The following PTPRM variants were observed in gnomAD, a reference collection of about 807,000 sequenced individuals.
The protein encoded by PTPRM is protein tyrosine phosphatase receptor type M.
In PTPRM, 47 loss-of-function variants were observed where a neutral mutation model predicts 186.7. The observed-to-expected ratio is 0.25, with a 90% CI of 0.20 to 0.32. The LOEUF (loss-of-function observed/expected upper bound fraction) is 0.32, where lower values mean the gene tolerates loss of function less well. PTPRM is among the 10% of genes least tolerant of loss of function. The pLI, the probability that PTPRM is intolerant of heterozygous loss-of-function variation, is 1.00. For synonymous variants in PTPRM, 668 were observed against 674.9 expected (o/e 0.99, Z 0.16); for missense variants, 1,494 against 1,865.0 (o/e 0.80, Z 3.66).
At chr18:8,269,557 C>T (rs2094744790) in intron 19 of PTPRM, among the ~76,000 whole-genome samples, 1 of 151,720 alleles carries the variant, frequency 6.6e-6, no homozygotes, top group Non-Finnish European at 1.5e-5. Flanking sequence ...TTGTATGGAA[C>T]TACAAAGGAC....
At chr18:7,816,389 CAT>C (rs905280399) in intron 2 of PTPRM, among the ~76,000 whole-genome samples, 3 of 152,182 alleles carry the variant, frequency 2.0e-5, no homozygotes, top group African/African-American at 7.2e-5. Context: ...ATACTTCCCT[CAT>C]ATACTTGTAA....
At chr18:8,260,408 C>T (rs973972185) in intron 19 of PTPRM, among the ~76,000 whole-genome samples, 1 of 152,112 alleles carries the variant, frequency 6.6e-6, no homozygotes, top group Non-Finnish European at 1.5e-5. Flanking sequence ...AAGTGATCCT[C>T]CCACCTCAGC....
chr18:7,771,391 C>G (rs1368817379), intron 1 of PTPRM, among the ~76,000 whole-genome samples: 1 of 152,180 alleles, frequency 6.6e-6, no homozygotes, highest in African/African-American at 2.4e-5. Flanking sequence ...AGAGACAATA[C>G]TTCTCGTAAA....
intron 3 of PTPRM, among the ~76,000 whole-genome samples, chr18:7,906,066 G>A (rs913984828): frequency 2.6e-5 from 4 of 152,002 alleles, no homozygotes; most frequent in African/African-American, 9.7e-5. Flanking sequence ...CTTTGGGTGG[G>A]GAATCCTTTC....
intron 1 of PTPRM, among the ~76,000 whole-genome samples, chr18:7,730,519 G>A (rs1158247794): frequency 6.6e-6 from 1 of 152,116 alleles, no homozygotes; most frequent in Non-Finnish European, 1.5e-5. Flanking sequence ...CACCTGTATT[G>A]TTACCTAAAG....
At chr18:8,291,948 C>T (rs1483902071) in intron 19 of PTPRM, among the ~76,000 whole-genome samples, 3 of 152,054 alleles carry the variant, frequency 2.0e-5, no homozygotes, top group Non-Finnish European at 4.4e-5. Context: ...AGTGTATCTG[C>T]CACCTCTGCA....
intron 14 of PTPRM, among the ~76,000 whole-genome samples, chr18:8,210,845 C>G (rs531534353): frequency 2.6e-5 from 4 of 152,136 alleles, no homozygotes; most frequent in Non-Finnish European, 5.9e-5. Context: ...AAGGCATTGC[C>G]AGTGGTGTAG....
rs146558447 is a variant in PTPRM, at chr18:8,319,187, C to A, written c.2929C>A (p.Arg977=). 2.4e-5 allele frequency: 38 copies of A among 1,554,614 alleles called. No homozygotes were observed. Among genetic ancestry groups the A allele is most frequent in the Non-Finnish European group, 3.0e-5 (34 of 1,131,168 alleles). Residue 977 remains arginine, a synonymous_variant, in exon 22 of 33, where the codon CGA becomes AGA. Transcript: ENST00000580170. ...TTTTATTTATTTTTAGGGTTATCAT[C>A]GACCCAATCATTACATTGCTACCCA... The part of the protein sequence containing the change: ...INGNYIDGYH[R]PNHYIATQGP...
intron 7 of PTPRM, among the ~76,000 whole-genome samples, chr18:8,037,271 A>G (rs1323636464): frequency 6.6e-6 from 1 of 152,166 alleles, no homozygotes; most frequent in African/African-American, 2.4e-5. Context: ...TCTTTTTCTC[A>G]TCCACTTTAC....
At chr18:7,865,316 G>A (rs2047625031) in intron 2 of PTPRM, among the ~76,000 whole-genome samples, 1 of 148,204 alleles carries the variant, frequency 6.7e-6, no homozygotes, top group Non-Finnish European at 1.5e-5. Flanking sequence ...GATATTGGCT[G>A]TGGGTTTGTC....
rs142218245 is a variant in PTPRM at position 7,789,867 on chromosome 18, G to C, written c.196+15596G>C. Among the ~76,000 whole-genome samples the C allele has an allele frequency of 5.4e-3, 825 of 152,274 alleles. 4 individuals carry two copies. The highest frequency in any genetic ancestry group is 0.023 in the South Asian group (109 of 4,826). ...TGTGTTGTTTCATTGCAACCTTTAA[G>C]TAATAAAAGTCTGTAGTTGTGATTA... On this transcript the variant is annotated intron_variant, in intron 2 of 32. Transcript: ENST00000580170.
intron 1 of PTPRM, among the ~76,000 whole-genome samples, chr18:7,618,725 G>A (rs1321153398): frequency 6.6e-6 from 1 of 152,092 alleles, no homozygotes; most frequent in African/African-American, 2.4e-5. Flanking sequence ...CATTTAAGAT[G>A]CGTGCTATAC....
intron 14 of PTPRM, among the ~76,000 whole-genome samples, chr18:8,243,696 T>C (rs1482893284): frequency 6.6e-6 from 1 of 152,250 alleles, no homozygotes; most frequent in East Asian, 1.9e-4. Flanking sequence ...AATAATTTCG[T>C]AAAAACTTAG....
intron 14 of PTPRM, among the ~76,000 whole-genome samples, chr18:8,237,431 A>ATTTTTTTT (rs59073560): frequency 9.8e-5 from 7 of 71,670 alleles, no homozygotes; most frequent in East Asian, 3.6e-4. Flanking sequence ...GATTCCCTCA[A>ATTTTTTTT]TTTTTTTTTT....
chr18:8,228,952 A>G (rs58705137), intron 14 of PTPRM, among the ~76,000 whole-genome samples: 2,384 of 152,164 alleles, frequency 0.016, 64 homozygotes, highest in African/African-American at 0.054. Flanking sequence ...TCTTTCAACA[A>G]CTTGAAAAGT....
chr18:7,738,522 G>A (rs1387336895), intron 1 of PTPRM, among the ~76,000 whole-genome samples: 2 of 151,704 alleles, frequency 1.3e-5, no homozygotes, highest in African/African-American at 2.4e-5. Flanking sequence ...TGCAAGCTCC[G>A]CCTCCCGGGT....
intron 3 of PTPRM, among the ~76,000 whole-genome samples, chr18:7,896,246 C>T (rs1372329731): frequency 6.6e-6 from 1 of 152,078 alleles, no homozygotes; most frequent in Non-Finnish European, 1.5e-5. Flanking sequence ...TCCTCATGTA[C>T]TCGCCCTTTT....
At chr18:7,797,112 T>C (rs2043702562) in intron 2 of PTPRM, among the ~76,000 whole-genome samples, 1 of 152,194 alleles carries the variant, frequency 6.6e-6, no homozygotes, top group Non-Finnish European at 1.5e-5. Flanking sequence ...TTCTAGGTTC[T>C]CTAAAATGAA....
chr18:7,817,836 T>G (rs192098415), intron 2 of PTPRM, among the ~76,000 whole-genome samples: 3 of 152,176 alleles, frequency 2.0e-5, no homozygotes, highest in African/African-American at 4.8e-5. Context: ...TGTGCTGTCT[T>G]AGTCTGACTG....
Sources: allele counts gnomAD v4.1 joint callset (sites outside exome capture counted in the v4.1 genomes callset), GRCh38; gene constraint gnomAD v4.1.1; transcripts MANE v1.5; gene names NCBI Gene and HGNC (gene_info 2026-07-23, HGNC 2026-07-21).